The following SNTG1 variants were observed in gnomAD, a reference collection of about 807,000 sequenced individuals.
SNTG1 encodes syntrophin gamma 1.
In SNTG1, 39 loss-of-function variants were observed where a neutral mutation model predicts 74.7. The ratio of observed to expected loss-of-function variants is 0.52; its 90% CI spans 0.40 to 0.68. The LOEUF (loss-of-function observed/expected upper bound fraction) is 0.68, where lower values mean the gene tolerates loss of function less well. SNTG1 is among the 30% of genes least tolerant of loss of function. SNTG1 has a pLI of 0.00. For synonymous variants in SNTG1, 254 were observed against 217.1 expected (o/e 1.17, Z -1.49); for missense variants, 685 against 609.5 (o/e 1.12, Z -1.30).
intron 1 of SNTG1, among the ~76,000 whole-genome samples, chr8:50,021,342 C>G (rs749560665): frequency 4.6e-5 from 7 of 152,122 alleles, no homozygotes; most frequent in Non-Finnish European, 7.3e-5. Flanking sequence ...TGTCTGTTGT[C>G]ACAGCTGGTA....
At position 50,053,528 on chromosome 8, in the gene SNTG1, G is replaced by A. The variant is rs542072338; in HGVS notation, c.-102-119033G>A. ...TTTGCTATCCTGGAATATAATAAACGTCACTGAATTATAGACTTCAAAAGT... is the reference window on the plus strand; with the variant it reads ...TTTGCTATCCTGGAATATAATAAACATCACTGAATTATAGACTTCAAAAGT... On this transcript the variant is annotated intron_variant, in intron 1 of 18. Coordinates refer to ENST00000642720, the MANE Select transcript of SNTG1 (RefSeq NM_018967.5). Among the ~76,000 whole-genome samples, 18 of 151,500 alleles carry A rather than the reference G, an allele frequency of 1.2e-4. No individual in the cohort carries two copies. The East Asian group carries it at 2.5e-3, about 21-fold the overall frequency.
chr8:50,289,684 A>G (rs914918569), intron 2 of SNTG1, among the ~76,000 whole-genome samples: 1 of 152,194 alleles, frequency 6.6e-6, no homozygotes, highest in Middle Eastern at 3.2e-3. Flanking sequence ...CAGTGCCTAC[A>G]ATAAGGACTG....
In SNTG1 at chr8:50,121,236, G is replaced by C. The variant is rs937222806; in HGVS notation, c.-102-51325G>C. ...ACTGGATGCTTGAAGACTAATTTTG[G>C]CCTCTGACTTGGCTATTTCTGTGAA... On this transcript the variant is annotated intron_variant, in intron 1 of 18. Coordinates refer to ENST00000642720, the MANE Select transcript of SNTG1 (RefSeq NM_018967.5). Among the ~76,000 whole-genome samples, 139 of 141,314 alleles carry C rather than the reference G, an allele frequency of 9.8e-4. 11 individuals are homozygous for C. Among genetic ancestry groups the C allele is most frequent in the African/African-American group, 3.4e-3 (135 of 39,172 alleles). The allele number at this position is 141,314 out of a possible 152,430, so 92.7% of individuals were successfully genotyped here.
At chr8:50,273,917 C>A (rs2087931280) in intron 2 of SNTG1, among the ~76,000 whole-genome samples, 1 of 151,828 alleles carries the variant, frequency 6.6e-6, no homozygotes, top group Admixed American at 6.6e-5. Flanking sequence ...TTATTTAGAC[C>A]CTTTTTGATT....
chr8:50,776,435 T>A (rs1229355255), intron 18 of SNTG1, among the ~76,000 whole-genome samples: 1 of 147,426 alleles, frequency 6.8e-6, no homozygotes, highest in East Asian at 2.0e-4. Flanking sequence ...AATATTTATA[T>A]GTTATATTTA....
intron 8 of SNTG1, among the ~76,000 whole-genome samples, chr8:50,477,881 C>T (rs1032669184): frequency 6.6e-6 from 1 of 152,106 alleles, no homozygotes; most frequent in African/African-American, 2.4e-5. Flanking sequence ...TTATTTTTCT[C>T]TCTCTCCTCT....
intron 4 of SNTG1, among the ~76,000 whole-genome samples, chr8:50,434,118 C>A (rs2093275046): frequency 6.6e-6 from 1 of 151,210 alleles, no homozygotes; most frequent in African/African-American, 2.4e-5. Context: ...CAATTCCCAC[C>A]TATGAGTGAG....
intron 1 of SNTG1, among the ~76,000 whole-genome samples, chr8:50,005,989 G>A (rs1337472272): frequency 6.2e-5 from 6 of 97,482 alleles, no homozygotes; most frequent in African/African-American, 2.3e-4. Context: ...TTTTTGAGAT[G>A]GAGTCTCGCT....
chr8:50,203,891 G>A (rs1005228329), intron 2 of SNTG1, among the ~76,000 whole-genome samples: 2 of 151,978 alleles, frequency 1.3e-5, no homozygotes, highest in African/African-American at 2.4e-5. Flanking sequence ...TAACTGCAAC[G>A]TCAATGCATT....
At chr8:50,377,804 T>A (rs2092413824) in intron 2 of SNTG1, among the ~76,000 whole-genome samples, 1 of 152,262 alleles carries the variant, frequency 6.6e-6, no homozygotes, top group African/African-American at 2.4e-5. Context: ...GCAGTTATTT[T>A]GATTTTTAAA....
chr8:50,529,299 T>C (rs906063051), intron 9 of SNTG1, among the ~76,000 whole-genome samples: 6 of 151,950 alleles, frequency 3.9e-5, no homozygotes, highest in Non-Finnish European at 5.9e-5. Context: ...AGAAAGCCTA[T>C]ATTTCCCATC....
chr8:50,541,369 G>T (rs1054483411), intron 11 of SNTG1, among the ~76,000 whole-genome samples: 2 of 151,740 alleles, frequency 1.3e-5, no homozygotes, highest in Admixed American at 6.6e-5. Context: ...ATCATTGCAG[G>T]CATTCTCCTG....
At chr8:50,556,743 G>A (rs1585675138) in intron 12 of SNTG1, among the ~76,000 whole-genome samples, 1 of 152,144 alleles carries the variant, frequency 6.6e-6, no homozygotes, top group African/African-American at 2.4e-5. Context: ...ATGCACCTCC[G>A]TGATGTTCAC....
intron 1 of SNTG1, among the ~76,000 whole-genome samples, chr8:50,063,923 T>C (rs777847048): frequency 1.3e-5 from 2 of 152,210 alleles, no homozygotes; most frequent in African/African-American, 2.4e-5. Flanking sequence ...ACGTGTGTTA[T>C]AGGATGAGGA....
chr8:50,321,741 A>G (rs1368962421), intron 2 of SNTG1, among the ~76,000 whole-genome samples: 1 of 111,180 alleles, frequency 9.0e-6, no homozygotes, highest in Non-Finnish European at 2.1e-5. Flanking sequence ...ATATCTTATA[A>G]CTTATTATTT....
At chr8:49,966,889 T>C (rs1585694673) in intron 1 of SNTG1, among the ~76,000 whole-genome samples, 2 of 152,326 alleles carry the variant, frequency 1.3e-5, no homozygotes, top group South Asian at 4.1e-4. Context: ...TAATAAATAA[T>C]TGTTCGATGG....
intron 2 of SNTG1, among the ~76,000 whole-genome samples, chr8:50,253,335 A>G (rs1410283204): frequency 2.0e-5 from 3 of 152,264 alleles, no homozygotes; most frequent in Admixed American, 6.5e-5. Flanking sequence ...AGACAGGGGA[A>G]TCATTTGAAC....
chr8:50,371,047 G>A (rs1374866796), intron 2 of SNTG1, among the ~76,000 whole-genome samples: 1 of 152,116 alleles, frequency 6.6e-6, no homozygotes, highest in African/African-American at 2.4e-5. Context: ...AGTTAGAAAT[G>A]CTAGACTGGC....
chr8:50,638,079 G>T (rs757328401), intron 13 of SNTG1, among the ~76,000 whole-genome samples: 2 of 152,116 alleles, frequency 1.3e-5, no homozygotes, highest in Non-Finnish European at 2.9e-5. Flanking sequence ...GAAAAAGGAA[G>T]TTGGGTAGAG....
Sources: gnomAD v4.1 joint callset for allele counts (sites outside exome capture counted in the v4.1 genomes callset) on GRCh38, gnomAD v4.1.1 for gene constraint, MANE v1.5 for transcripts, NCBI Gene and HGNC (gene_info 2026-07-23, HGNC 2026-07-21) for gene names.